ZNF423: variants seen among roughly 807,000 people sequenced by gnomAD.
The protein encoded by ZNF423 is zinc finger protein 423.
ZNF423 carries 12 observed loss-of-function variants against 95.8 expected under a neutral mutation model. The observed-to-expected ratio is 0.13, with a 90% CI of 0.08 to 0.20. The LOEUF is 0.20. ZNF423 is among the 10% of genes least tolerant of loss of function. The pLI, the probability that ZNF423 is intolerant of heterozygous loss-of-function variation, is 1.00. For missense variants in ZNF423, 1,316 were observed against 1,737.1 expected (o/e 0.76, Z 4.31); for synonymous variants, 749 against 711.9 (o/e 1.05, Z -0.83).
intron 2 of ZNF423, among the ~76,000 whole-genome samples, chr16:49,786,595 C>T (rs560661550): frequency 2.0e-5 from 3 of 152,332 alleles, no homozygotes; most frequent in Admixed American, 6.5e-5. Flanking sequence ...CAGGGACCTT[C>T]CAGAAGTCCC....
chr16:49,491,192 T>G lies in ZNF423; in HGVS notation c.*83A>C. The G allele has an allele frequency of 1.3e-6, 2 of 1,557,828 alleles. No individual in the cohort carries two copies. Among genetic ancestry groups the G allele is most frequent in the Non-Finnish European group, 1.8e-6 (2 of 1,129,696 alleles). On this transcript the variant is annotated 3_prime_UTR_variant, in exon 8 of 8. Transcript: ENST00000563137. ...TACATCTGGGTTGCAAATGACACTT[T>G]GATTGGATGTAATGTTCAAATGGCC...
At chr16:49,824,120 T>G (rs1401711648) in intron 1 of ZNF423, among the ~76,000 whole-genome samples, 1 of 152,112 alleles carries the variant, frequency 6.6e-6, no homozygotes, top group Non-Finnish European at 1.5e-5. Flanking sequence ...TTTTCTCATC[T>G]AGGGTTTAGA....
chr16:49,822,588 G>T, intron 1 of ZNF423: 1 of 1,207,782 alleles, frequency 8.3e-7, no homozygotes, highest in Non-Finnish European at 1.2e-6. Context: ...CATTGTCCAA[G>T]AGAACTAAGC....
At chr16:49,734,721 G>A (rs1049226569) in intron 2 of ZNF423, among the ~76,000 whole-genome samples, 4 of 152,208 alleles carry the variant, frequency 2.6e-5, no homozygotes, top group African/African-American at 9.6e-5. Flanking sequence ...ACGCCGACCT[G>A]TCCGTCCAGC....
chr16:49,488,186 C>A lies in ZNF423; in HGVS notation c.*3089G>T, dbSNP rs1374067423. ...AGGTTCCATCCCTAGGAACACACACCTTAGGAGGGAAGAAAAACAGGTGAA... is the reference window on the plus strand; with the variant it reads ...AGGTTCCATCCCTAGGAACACACACATTAGGAGGGAAGAAAAACAGGTGAA... On this transcript the variant is annotated 3_prime_UTR_variant, in exon 8 of 8. Transcript: ENST00000563137. The A allele has an allele frequency of 6.6e-6, 1 of 152,226 alleles. No individual in the cohort carries two copies. Among genetic ancestry groups the A allele is most frequent in the African/African-American group, 2.4e-5 (1 of 41,454 alleles). 9.4% of individuals were successfully genotyped at this position (152,226 alleles called of 1,614,324 possible).
chr16:49,820,231 C>T (rs1001618099), intron 1 of ZNF423, among the ~76,000 whole-genome samples: 9 of 152,062 alleles, frequency 5.9e-5, no homozygotes, highest in African/African-American at 2.2e-4. Flanking sequence ...GAAGGCAGAC[C>T]CCCTACCTCC....
Position 49,841,484 on chromosome 16 carries a change from C to A in ZNF423, c.40+14251G>T, listed in dbSNP as rs769780605. Reference sequence around the variant, plus strand: ...AGTGTCAGGATTCCATGAGGTACTGCCCGTAACGTGCATAGCCCAGTGCCT... The same window carrying A: ...AGTGTCAGGATTCCATGAGGTACTGACCGTAACGTGCATAGCCCAGTGCCT... On this transcript the variant is annotated intron_variant, in intron 1 of 7. Transcript: ENST00000563137. Among the ~76,000 whole-genome samples, 3 of 152,204 alleles carry A rather than the reference C, an allele frequency of 2.0e-5. No homozygotes were observed. The South Asian group carries it at 6.2e-4, about 32-fold the overall frequency.
chr16:49,530,054 C>T (rs1189308325), intron 5 of ZNF423, among the ~76,000 whole-genome samples: 2 of 152,148 alleles, frequency 1.3e-5, no homozygotes, highest in East Asian at 1.9e-4. Context: ...AAGCTAGAGC[C>T]GGGAACACTT....
intron 3 of ZNF423, among the ~76,000 whole-genome samples, chr16:49,717,595 C>T (rs772829101): frequency 4.7e-4 from 72 of 152,242 alleles, no homozygotes; most frequent in Non-Finnish European, 1.2e-4. Flanking sequence ...GGGTCCTTCG[C>T]CCTTCACTGG....
chr16:49,686,296 G>C lies in ZNF423; in HGVS notation c.301+44475C>G, dbSNP rs184414816. Among the ~76,000 whole-genome samples, 206 of 152,238 alleles carry C rather than the reference G, an allele frequency of 1.4e-3. 1 individual carries two copies. The highest frequency in any genetic ancestry group is 2.4e-4 in the Non-Finnish European group (16 of 68,018). On this transcript the variant is annotated intron_variant, in intron 3 of 7. Transcript: ENST00000563137. ...TGCTGCTTGAGTCTCGGGTAGGCAG[G>C]CAGGAAGGCCAGCCTCGCAACCTTC...
intron 5 of ZNF423, among the ~76,000 whole-genome samples, chr16:49,607,842 C>A (rs899237399): frequency 1.3e-5 from 2 of 152,170 alleles, no homozygotes; most frequent in Non-Finnish European, 1.5e-5. Flanking sequence ...TGTGGGAATG[C>A]GGGGAGGGGG....
chr16:49,844,116 TAAA>T (rs563357549), intron 1 of ZNF423, among the ~76,000 whole-genome samples: 3 of 132,322 alleles, frequency 2.3e-5, no homozygotes. Context: ...CTCCATCTGT[TAAA>T]AAAAAAAAAA....
chr16:49,505,991 C>A (rs928258938), intron 7 of ZNF423, among the ~76,000 whole-genome samples: 3 of 152,192 alleles, frequency 2.0e-5, no homozygotes, highest in African/African-American at 7.2e-5. Context: ...TAATGCAAAC[C>A]AAGAATTATC....
chr16:49,587,049 C>T (rs1420682), intron 5 of ZNF423, among the ~76,000 whole-genome samples: 13,080 of 152,156 alleles, frequency 0.086, 1,304 homozygotes, highest in African/African-American at 0.22. Context: ...GATTCCACAA[C>T]GGTTTACACA....
intron 7 of ZNF423, among the ~76,000 whole-genome samples, chr16:49,502,557 C>A (rs1967450547): frequency 6.6e-6 from 1 of 151,902 alleles, no homozygotes; most frequent in South Asian, 2.1e-4. Flanking sequence ...CCAGAGTTTG[C>A]CACATGACCG....
chr16:49,493,543 C>A (rs896268341), intron 7 of ZNF423, among the ~76,000 whole-genome samples: 1 of 152,178 alleles, frequency 6.6e-6, no homozygotes, highest in Non-Finnish European at 1.5e-5. Flanking sequence ...CAGTCAAAAA[C>A]CCCTGCTATC....
At chr16:49,694,549 C>G (rs1226427556) in intron 3 of ZNF423, among the ~76,000 whole-genome samples, 4 of 152,218 alleles carry the variant, frequency 2.6e-5, no homozygotes, top group African/African-American at 7.2e-5. Flanking sequence ...TCATGCCCCC[C>G]GCCCCTGTGC....
At chr16:49,537,599 C>T (rs1969098840) in intron 5 of ZNF423, among the ~76,000 whole-genome samples, 1 of 152,208 alleles carries the variant, frequency 6.6e-6, no homozygotes, top group African/African-American at 2.4e-5. Context: ...GGTCTTTCTT[C>T]AGTTCGGCTG....
At chr16:49,502,760 C>G (rs1967458192) in intron 7 of ZNF423, among the ~76,000 whole-genome samples, 1 of 151,606 alleles carries the variant, frequency 6.6e-6, no homozygotes, top group African/African-American at 2.4e-5. Context: ...ACACACCACT[C>G]TATATGCATG....
Sources: gnomAD v4.1 joint callset for allele counts (sites outside exome capture counted in the v4.1 genomes callset) on GRCh38, gnomAD v4.1.1 for gene constraint, MANE v1.5 for transcripts, NCBI Gene and HGNC (gene_info 2026-07-23, HGNC 2026-07-21) for gene names.